SCHIP1: variants seen among roughly 807,000 people sequenced by gnomAD.
SCHIP1 encodes schwannomin interacting protein 1.
SCHIP1 carries 8 observed loss-of-function variants against 29.7 expected under a neutral mutation model. The observed-to-expected ratio is 0.27, with a 90% CI of 0.16 to 0.49. SCHIP1 has a LOEUF of 0.49. Ranked by LOEUF, SCHIP1 falls within the 20% of genes least tolerant of loss-of-function variation. SCHIP1 has a pLI of 0.99. For missense variants in SCHIP1, 193 were observed against 294.6 expected (o/e 0.66, Z 2.52); for synonymous variants, 76 against 94.9 (o/e 0.80, Z 1.16).
chr3:159,274,653 A>T, the SCHIP1 span: 1 of 820,112 alleles, frequency 1.2e-6, no homozygotes, highest in Non-Finnish European at 1.5e-6. Flanking sequence ...ACCAACGAAG[A>T]AATAATACTT....
At chr3:159,545,985 T>A in the SCHIP1 span, among the ~76,000 whole-genome samples, 1 of 152,026 alleles carries the variant, frequency 6.6e-6, no homozygotes, top group South Asian at 2.1e-4. Context: ...TTACATATTT[T>A]ATAAGATGTA....
chr3:159,274,299 C>CT, the SCHIP1 span: 1 of 984,674 alleles, frequency 1.0e-6, no homozygotes, highest in Non-Finnish European at 1.2e-6. Context: ...CAGTGTTAAA[C>CT]TTTTTCAATT....
intron 5 of SCHIP1, among the ~76,000 whole-genome samples, chr3:159,889,587 C>G (rs1717290094): frequency 6.6e-6 from 1 of 152,216 alleles, no homozygotes; most frequent in African/African-American, 2.4e-5. Context: ...AATTCACAAT[C>G]TCTTCAGCTC....
the SCHIP1 span, among the ~76,000 whole-genome samples, chr3:159,304,237 T>C: frequency 6.6e-6 from 1 of 152,234 alleles, no homozygotes; most frequent in Non-Finnish European, 1.5e-5. Context: ...ATAAGTATTT[T>C]CCATGTTATT....
At position 159,872,800 on chromosome 3, in the gene SCHIP1, G is replaced by A. The variant is rs1303190821; in HGVS notation, c.149+6519G>A. Among the ~76,000 whole-genome samples, 5 of 152,294 alleles carry A rather than the reference G, an allele frequency of 3.3e-5. No individual in the cohort carries two copies. In the East Asian group the frequency reaches 9.6e-4, roughly 29 times the overall value. On this transcript the variant is annotated intron_variant, in intron 2 of 6. Transcript: ENST00000445224. ...TCATCAGTAATAATGTAGGAGAAAA[G>A]CCTTTAGAATGTTCAGTTGCAATTG...
At chr3:159,305,642 G>A in the SCHIP1 span, among the ~76,000 whole-genome samples, 6 of 152,158 alleles carry the variant, frequency 3.9e-5, no homozygotes, top group Non-Finnish European at 2.9e-5. Flanking sequence ...CATCTTAAGG[G>A]AGAAAGGAAG....
chr3:159,476,234 CTGA>C, the SCHIP1 span, among the ~76,000 whole-genome samples: 22 of 151,980 alleles, frequency 1.4e-4, no homozygotes, highest in South Asian at 4.2e-4. Flanking sequence ...CAGTTAAGGG[CTGA>C]TAAGGCAAAA....
chr3:159,390,007 T>G, the SCHIP1 span, among the ~76,000 whole-genome samples: 1 of 152,084 alleles, frequency 6.6e-6, no homozygotes, highest in Non-Finnish European at 1.5e-5. Context: ...CATGGAATAT[T>G]AAGCAGTTTT....
chr3:159,444,972 A>G, the SCHIP1 span, among the ~76,000 whole-genome samples: 1 of 152,190 alleles, frequency 6.6e-6, no homozygotes, highest in Non-Finnish European at 1.5e-5. Flanking sequence ...ATGGGCAAGG[A>G]CTTCATGTCT....
the SCHIP1 span, among the ~76,000 whole-genome samples, chr3:159,325,178 C>T: frequency 6.6e-6 from 1 of 152,066 alleles, no homozygotes; most frequent in Admixed American, 6.5e-5. Context: ...CTTATCCTCA[C>T]CTGTTCAAGT....
chr3:159,892,228 C>A, intron 6 of SCHIP1, 38 bp downstream of exon 7: 3 of 1,611,654 alleles, frequency 1.9e-6, no homozygotes, highest in Non-Finnish European at 2.5e-6. Context: ...AAGAAAAGCC[C>A]AGGGTGGTCT....
At chr3:159,489,110 TAAGA>T in the SCHIP1 span, among the ~76,000 whole-genome samples, 1 of 152,252 alleles carries the variant, frequency 6.6e-6, no homozygotes, top group Admixed American at 6.5e-5. Flanking sequence ...GATTAAGTGA[TAAGA>T]AAGTCCTTTT....
the SCHIP1 span, among the ~76,000 whole-genome samples, chr3:159,674,100 C>T: frequency 6.6e-6 from 1 of 152,272 alleles, no homozygotes; most frequent in South Asian, 2.1e-4. Context: ...CCAAATATAA[C>T]TCATCTGCAA....
At chr3:159,383,553 C>T in the SCHIP1 span, among the ~76,000 whole-genome samples, 1 of 149,918 alleles carries the variant, frequency 6.7e-6, no homozygotes, top group Non-Finnish European at 1.5e-5. Flanking sequence ...ATGCCTCCAG[C>T]TTTGTTCTTT....
At chr3:159,869,103 C>T (rs1436377161) in intron 2 of SCHIP1, among the ~76,000 whole-genome samples, 2 of 151,982 alleles carry the variant, frequency 1.3e-5, no homozygotes, top group Non-Finnish European at 1.5e-5. Flanking sequence ...TTATGCTTTT[C>T]TCATCAACTT....
At chr3:159,473,145 T>A in the SCHIP1 span, among the ~76,000 whole-genome samples, 1 of 152,212 alleles carries the variant, frequency 6.6e-6, no homozygotes, top group South Asian at 2.1e-4. Context: ...TATATAGCTA[T>A]AGGCTAAATT....
At chr3:159,568,449 C>A in the SCHIP1 span, among the ~76,000 whole-genome samples, 21 of 151,998 alleles carry the variant, frequency 1.4e-4, no homozygotes, top group Non-Finnish European at 2.8e-4. Context: ...TAATAAAATT[C>A]TTTCTATTCC....
chr3:159,784,275 A>T, the SCHIP1 span, among the ~76,000 whole-genome samples: 1 of 152,242 alleles, frequency 6.6e-6, no homozygotes, highest in African/African-American at 2.4e-5. Context: ...ACACCTGTTC[A>T]TCTGGTCATG....
At chr3:159,589,052 G>A in the SCHIP1 span, among the ~76,000 whole-genome samples, 1 of 152,098 alleles carries the variant, frequency 6.6e-6, no homozygotes, top group Non-Finnish European at 1.5e-5. Flanking sequence ...AATTACCTTG[G>A]GCAGTATGGC....
Sources: allele counts gnomAD v4.1 joint callset (sites outside exome capture counted in the v4.1 genomes callset), GRCh38; gene constraint gnomAD v4.1.1; transcripts MANE v1.5; gene names NCBI Gene and HGNC (gene_info 2026-07-23, HGNC 2026-07-21).